Variants in RPS6KA2 observed in about 807,000 individuals in gnomAD.
RPS6KA2 encodes ribosomal protein S6 kinase alpha-2.
In RPS6KA2, 42 loss-of-function variants were observed where a neutral mutation model predicts 91.8. The ratio of observed to expected loss-of-function variants is 0.46; its 90% CI spans 0.36 to 0.59. The LOEUF (loss-of-function observed/expected upper bound fraction) is 0.59, where lower values mean the gene tolerates loss of function less well. Ranked by LOEUF, RPS6KA2 falls within the 20% of genes least tolerant of loss-of-function variation. The probability of loss-of-function intolerance (pLI) is 0.00; values close to 1 mark genes in which losing one functional copy is unlikely to be tolerated. For synonymous variants in RPS6KA2, 414 were observed against 393.6 expected (o/e 1.05, Z -0.61); for missense variants, 798 against 978.5 (o/e 0.82, Z 2.46).
At chr6:166,702,674 C>T in intron 2 of RPS6KA2, 3 of 1,459,574 alleles carry the variant, frequency 2.1e-6, no homozygotes, top group Non-Finnish European at 2.9e-6. Flanking sequence ...CCTGAAAGCG[C>T]CTCAATGGCC....
At chr6:166,719,130 G>A (rs1170775590) in intron 2 of RPS6KA2, among the ~76,000 whole-genome samples, 14 of 152,196 alleles carry the variant, frequency 9.2e-5, no homozygotes, top group Non-Finnish European at 1.5e-5. Context: ...CAGACAACAC[G>A]TAAATGAATG....
At chr6:166,608,838 A>G (rs1006015127) in intron 1 of RPS6KA2, among the ~76,000 whole-genome samples, 2 of 152,146 alleles carry the variant, frequency 1.3e-5, no homozygotes, top group South Asian at 2.1e-4. Flanking sequence ...ATATATATTT[A>G]GGCCCAAAGT....
At chr6:166,739,940 C>T (rs1243123952) in intron 2 of RPS6KA2, among the ~76,000 whole-genome samples, 1 of 152,338 alleles carries the variant, frequency 6.6e-6, no homozygotes, top group Non-Finnish European at 1.5e-5. Context: ...GTGGATGACA[C>T]CAGCACCTTC....
Position 166,682,847 on chromosome 6 carries a change from T to G in RPS6KA2, c.124-144063A>C, listed in dbSNP as rs556446306. 3.9e-5 allele frequency among the ~76,000 whole-genome samples: 6 copies of G among 152,356 alleles called. No individual in the cohort carries two copies. In the East Asian group the frequency reaches 9.6e-4, roughly 24 times the overall value. ...ACAACCCATGCATTTGACCACATCCTAAGCCCTTTTTCCCCTTCTCTGTTT... is the reference window on the plus strand; with the variant it reads ...ACAACCCATGCATTTGACCACATCCGAAGCCCTTTTTCCCCTTCTCTGTTT... On this transcript the variant is annotated intron_variant, in intron 2 of 21. Transcript: ENST00000503859.
At chr6:166,525,418 G>C (rs1017607313) in intron 3 of RPS6KA2, among the ~76,000 whole-genome samples, 1 of 152,038 alleles carries the variant, frequency 6.6e-6, no homozygotes, top group Admixed American at 6.5e-5. Context: ...CACCCCAGCA[G>C]TGTGGCCCCC....
intron 2 of RPS6KA2, among the ~76,000 whole-genome samples, chr6:166,707,283 G>A (rs1005077815): frequency 1.3e-5 from 2 of 152,234 alleles, no homozygotes; most frequent in Admixed American, 1.3e-4. Context: ...GAGCAGAGCC[G>A]GGTTAGAGCA....
Position 166,603,325 on chromosome 6 carries a change from C to G in RPS6KA2, c.99+23596G>C, listed in dbSNP as rs1056407184. On this transcript the variant is annotated intron_variant, in intron 1 of 20. Coordinates refer to ENST00000265678, the MANE Select transcript of RPS6KA2 (RefSeq NM_021135.6). The surrounding 1 kb of genome is among the most constrained non-coding windows in gnomAD (Gnocchi z 4.3). ...GGGCCATGGCTCTTTCAAAAAAGATCGTGCTGCTTAGCATAATTAAACCAG... is the reference window on the plus strand; with the variant it reads ...GGGCCATGGCTCTTTCAAAAAAGATGGTGCTGCTTAGCATAATTAAACCAG... 5.9e-5 allele frequency among the ~76,000 whole-genome samples: 9 copies of G among 152,248 alleles called. No individual in the cohort carries two copies. Among genetic ancestry groups the G allele is most frequent in the African/African-American group, 1.7e-4 (7 of 41,520 alleles).
At chr6:166,427,898 G>A (rs1778982189) in intron 16 of RPS6KA2, among the ~76,000 whole-genome samples, 1 of 152,108 alleles carries the variant, frequency 6.6e-6, no homozygotes, top group Non-Finnish European at 1.5e-5. Flanking sequence ...TAGATTCAAT[G>A]CCATCCCGAT....
intron 2 of RPS6KA2, among the ~76,000 whole-genome samples, chr6:166,796,804 C>A (rs1235640719): frequency 6.6e-6 from 1 of 151,640 alleles, no homozygotes; most frequent in Non-Finnish European, 1.5e-5. Flanking sequence ...TCACTCACAA[C>A]TGCACAGTCC....
intron 2 of RPS6KA2, among the ~76,000 whole-genome samples, chr6:166,846,971 G>C (rs1780623139): frequency 6.6e-6 from 1 of 152,012 alleles, no homozygotes; most frequent in Admixed American, 6.6e-5. Flanking sequence ...CTAGTAAAGA[G>C]GAAGTCAAAC....
rs556868659 is a variant in RPS6KA2 at position 166,410,360 on chromosome 6, C to T, written c.*2402G>A. 6.6e-6 allele frequency: 1 copy of T among 152,470 alleles called. No homozygotes were observed. 9.4% of individuals were successfully genotyped at this position (152,470 alleles called of 1,614,324 possible). A position where few individuals can be genotyped will look rare whatever the true frequency, so the allele number is the denominator to read the frequency against. On this transcript the variant is annotated 3_prime_UTR_variant, in exon 21 of 21. Coordinates refer to ENST00000265678, the MANE Select transcript of RPS6KA2 (RefSeq NM_021135.6). ...GTCGACTGCTGCTTGAAAGCAGTCA[C>T]TTGCTATTTCACTAAGGTTTTTGAA...
intron 2 of RPS6KA2, among the ~76,000 whole-genome samples, chr6:166,532,514 AC>A (rs925787208): frequency 5.3e-5 from 8 of 152,068 alleles, no homozygotes; most frequent in Admixed American, 1.3e-4. Flanking sequence ...TCACGCTCTC[AC>A]CATGTGCCCC....
chr6:166,806,159 T>C (rs1554259493), intron 2 of RPS6KA2, among the ~76,000 whole-genome samples: 1 of 152,170 alleles, frequency 6.6e-6, no homozygotes, highest in Non-Finnish European at 1.5e-5. Context: ...ATATGCATTA[T>C]AGGAGTCACA....
intron 2 of RPS6KA2, among the ~76,000 whole-genome samples, chr6:166,661,556 T>C (rs1373859288): frequency 3.9e-5 from 6 of 152,142 alleles, no homozygotes; most frequent in Admixed American, 1.3e-4. Flanking sequence ...TATTGTTTTC[T>C]AAGAGTTTTT....
chr6:166,569,625 T>C (rs1233548547), intron 1 of RPS6KA2, among the ~76,000 whole-genome samples: 1 of 152,172 alleles, frequency 6.6e-6, no homozygotes, highest in Non-Finnish European at 1.5e-5. Flanking sequence ...AGGACTCCTC[T>C]ATGGGCAGGG....
chr6:166,545,709 T>A (rs914267944), intron 1 of RPS6KA2, among the ~76,000 whole-genome samples: 8 of 152,240 alleles, frequency 5.3e-5, no homozygotes, highest in African/African-American at 1.9e-4. Context: ...CCACTGTTTC[T>A]GCCTTCGCCT....
intron 2 of RPS6KA2, among the ~76,000 whole-genome samples, chr6:166,680,608 G>T (rs536028172): frequency 6.6e-6 from 1 of 152,090 alleles, no homozygotes; most frequent in African/African-American, 2.4e-5. Flanking sequence ...CAGGAGGGAC[G>T]AACAACTCTG....
chr6:166,717,218 T>C (rs1052242924), intron 2 of RPS6KA2, among the ~76,000 whole-genome samples: 59 of 152,176 alleles, frequency 3.9e-4, no homozygotes, highest in African/African-American at 1.4e-3. Flanking sequence ...GGTGGAGGCA[T>C]CGCCATTGCT....
chr6:166,575,629 T>TA (rs1784816621), intron 1 of RPS6KA2, among the ~76,000 whole-genome samples: 1 of 152,232 alleles, frequency 6.6e-6, no homozygotes, highest in Non-Finnish European at 1.5e-5. Flanking sequence ...CTTTTTTACA[T>TA]GCTTTCATTA....
Sources: gnomAD v4.1 joint callset for allele counts (sites outside exome capture counted in the v4.1 genomes callset) on GRCh38, gnomAD v4.1.1 for gene constraint, Gnocchi (gnomAD v3.1) non-coding constraint, MANE v1.5 for transcripts, NCBI Gene and HGNC (gene_info 2026-07-23, HGNC 2026-07-21) for gene names.